Variants in RABGEF1 observed in about 807,000 individuals in gnomAD.
RABGEF1 encodes rab5 GDP/GTP exchange factor.
Under a neutral mutation model 57.3 loss-of-function variants are expected in RABGEF1, and 26 were observed. That is an observed-to-expected ratio of 0.45 (90% CI 0.33 to 0.63). RABGEF1 has a LOEUF of 0.63. Among genes scored for constraint, RABGEF1 ranks in the 20% least tolerant of loss-of-function variants. The pLI, the probability that RABGEF1 is intolerant of heterozygous loss-of-function variation, is 0.02. For synonymous variants in RABGEF1, 185 were observed against 210.7 expected, an observed-to-expected ratio of 0.88 and a Z score of 1.06; for missense variants, 464 against 607.6, an observed-to-expected ratio of 0.76 and a Z score of 2.48.
chr7:66,774,131 A>G (rs1391906718), intron 2 of RABGEF1, among the ~76,000 whole-genome samples: 1 of 152,242 alleles, frequency 6.6e-6, no homozygotes, highest in Non-Finnish European at 1.5e-5. Context: ...CCTTGGTTTC[A>G]TTCTTGATTT....
At chr7:66,700,381 G>T (rs1485605336) in intron 1 of RABGEF1, among the ~76,000 whole-genome samples, 1 of 151,810 alleles carries the variant, frequency 6.6e-6, no homozygotes, top group Non-Finnish European at 1.5e-5. Context: ...ATGGATGAGG[G>T]AGTGACTAGA....
intron 1 of RABGEF1, among the ~76,000 whole-genome samples, chr7:66,759,505 C>T (rs1427139529): frequency 6.6e-6 from 1 of 152,130 alleles, no homozygotes; most frequent in Non-Finnish European, 1.5e-5. Flanking sequence ...TTCATTCTCA[C>T]GTAGTTATAA....
intron 1 of RABGEF1, among the ~76,000 whole-genome samples, chr7:66,770,078 CT>C (rs1055992280): frequency 2.6e-5 from 4 of 152,184 alleles, no homozygotes; most frequent in African/African-American, 9.7e-5. Context: ...AACACTTTCT[CT>C]TTTTCTGCGT....
intron 4 of RABGEF1, among the ~76,000 whole-genome samples, chr7:66,788,383 G>A (rs1403443152): frequency 1.3e-5 from 2 of 151,884 alleles, no homozygotes; most frequent in Non-Finnish European, 2.9e-5. Context: ...AGGTGGGGTT[G>A]CAGTGAGCTG....
At chr7:66,808,277 G>A (rs1007940803) in intron 8 of RABGEF1, among the ~76,000 whole-genome samples, 1 of 150,936 alleles carries the variant, frequency 6.6e-6, no homozygotes, top group Admixed American at 6.6e-5. Flanking sequence ...GTGCAGTGGC[G>A]TGATCTTGGC....
At chr7:66,779,241 C>T (rs552161187) in intron 3 of RABGEF1, among the ~76,000 whole-genome samples, 23 of 151,760 alleles carry the variant, frequency 1.5e-4, no homozygotes, top group African/African-American at 5.3e-4. Context: ...CAGGGGCTCA[C>T]GCTTATGATC....
chr7:66,767,017 T>C (rs1409702543), intron 1 of RABGEF1, among the ~76,000 whole-genome samples: 9 of 149,712 alleles, frequency 6.0e-5, no homozygotes, highest in Non-Finnish European at 1.3e-4. Context: ...TTTTTTTTTT[T>C]TTTGAGATGG....
upstream of RABGEF1, among the ~76,000 whole-genome samples, chr7:66,681,508 C>T (rs368118792): frequency 6.6e-6 from 1 of 151,682 alleles, no homozygotes; most frequent in Non-Finnish European, 1.5e-5. Flanking sequence ...AAGCGATCCT[C>T]CCACCTCAGC....
At chr7:66,692,209 T>C (rs2117137518) in intron 1 of RABGEF1, among the ~76,000 whole-genome samples, 1 of 152,366 alleles carries the variant, frequency 6.6e-6, no homozygotes, top group South Asian at 2.1e-4. Context: ...AGAAGTTTCA[T>C]CATCACAGAA....
chr7:66,791,856 G>A (rs1812735801), intron 4 of RABGEF1, among the ~76,000 whole-genome samples: 1 of 152,192 alleles, frequency 6.6e-6, no homozygotes, highest in African/African-American at 2.4e-5. Context: ...GCTCACGCCT[G>A]TAATCCCAGC....
At chr7:66,796,977 A>G (rs1786099738) in intron 5 of RABGEF1, 1 of 419,116 alleles carries the variant, frequency 2.4e-6, no homozygotes, top group Non-Finnish European at 4.7e-6. Context: ...CTAGTAAATT[A>G]GTTTTTTGCT....
At chr7:66,661,325 G>A in the RABGEF1 span, among the ~76,000 whole-genome samples, 5 of 140,982 alleles carry the variant, frequency 3.5e-5, no homozygotes, top group East Asian at 6.2e-4. Flanking sequence ...AAATGAGGGC[G>A]TTACTGTGAC....
intron 1 of RABGEF1, among the ~76,000 whole-genome samples, chr7:66,689,874 C>T (rs1197931233): frequency 1.3e-5 from 2 of 151,932 alleles, no homozygotes; most frequent in South Asian, 2.1e-4. Context: ...TAAAATCCTC[C>T]CAACAAAGAA....
chr7:66,795,665 T>G (rs1438482611), intron 5 of RABGEF1, 73 bp downstream of exon 5: 15 of 1,371,772 alleles, frequency 1.1e-5, no homozygotes, highest in Non-Finnish European at 1.4e-5. Flanking sequence ...GCAATTTCTT[T>G]CTTTCTCTGA....
intron 1 of RABGEF1, among the ~76,000 whole-genome samples, chr7:66,749,952 C>T (rs551743050): frequency 6.1e-4 from 93 of 152,208 alleles, no homozygotes; most frequent in African/African-American, 2.0e-3. Flanking sequence ...CCAGCGTGGG[C>T]GACAGAGCGA....
chr7:66,762,073 AAAAC>A (rs1804533916), intron 1 of RABGEF1, among the ~76,000 whole-genome samples: 1 of 151,692 alleles, frequency 6.6e-6, no homozygotes, highest in Non-Finnish European at 1.5e-5. Flanking sequence ...CAAAAAAACA[AAAAC>A]AAAAACATAA....
intron 1 of RABGEF1, among the ~76,000 whole-genome samples, chr7:66,693,637 C>T (rs762670099): frequency 2.5e-4 from 38 of 152,182 alleles, no homozygotes; most frequent in Admixed American, 4.6e-4. Flanking sequence ...CTTACCAGTG[C>T]TCAGAAACAT....
the RABGEF1 span, among the ~76,000 whole-genome samples, chr7:66,659,257 C>A: frequency 6.7e-6 from 1 of 149,488 alleles, no homozygotes; most frequent in Non-Finnish European, 1.5e-5. Flanking sequence ...TTGAGACCAG[C>A]CTGGTCAAGA....
chr7:66,753,051 T>C (rs1801796747), intron 1 of RABGEF1, among the ~76,000 whole-genome samples: 1 of 152,122 alleles, frequency 6.6e-6, no homozygotes, highest in Admixed American at 6.6e-5. Context: ...AGGACATGAG[T>C]ATTATAATGG....
Sources: allele counts gnomAD v4.1 joint callset (sites outside exome capture counted in the v4.1 genomes callset), GRCh38; gene constraint gnomAD v4.1.1; transcripts MANE v1.5; gene names NCBI Gene and HGNC (gene_info 2026-07-23, HGNC 2026-07-21).